TRAPPC9: variants seen among roughly 807,000 people sequenced by gnomAD.
TRAPPC9 encodes trafficking protein particle complex subunit 9.
In TRAPPC9, 83 loss-of-function variants were observed where a neutral mutation model predicts 124.0. The ratio of observed to expected loss-of-function variants is 0.67; its 90% CI spans 0.56 to 0.80. The LOEUF (loss-of-function observed/expected upper bound fraction) is 0.80. Among genes scored for constraint, TRAPPC9 ranks in the 30% least tolerant of loss-of-function variants. The probability of loss-of-function intolerance (pLI) is 0.00; values close to 1 mark genes in which losing one functional copy is unlikely to be tolerated. For synonymous variants in TRAPPC9, 638 were observed against 617.5 expected, an observed-to-expected ratio of 1.03 and a Z score of -0.49; for missense variants, 1,302 against 1,508.3, an observed-to-expected ratio of 0.86 and a Z score of 2.27.
chr8:140,240,282 A>G (rs1457760264), intron 16 of TRAPPC9, among the ~76,000 whole-genome samples: 1 of 152,068 alleles, frequency 6.6e-6, no homozygotes, highest in Admixed American at 6.6e-5. Context: ...AGAGATTCTA[A>G]TGGGAGCTCA....
At chr8:140,107,552 A>G (rs1426329657) in intron 17 of TRAPPC9, among the ~76,000 whole-genome samples, 1 of 152,238 alleles carries the variant, frequency 6.6e-6, no homozygotes, top group Admixed American at 6.5e-5. Context: ...GGCAAATGGT[A>G]CCGTGGGAGT....
intron 18 of TRAPPC9, among the ~76,000 whole-genome samples, chr8:139,994,517 G>A (rs117618917): frequency 1.4e-4 from 21 of 152,312 alleles, no homozygotes; most frequent in Non-Finnish European, 2.6e-4. Context: ...AGATGCTCAC[G>A]ACGGCTATGG....
At position 140,450,737 on chromosome 8, in the gene TRAPPC9, T is replaced by C. The variant is rs1280233271; in HGVS notation, c.584+53A>G. 5.6e-6 allele frequency: 8 copies of C among 1,421,180 alleles called. 1 individual carries two copies. The East Asian group carries it at 1.9e-4, about 34-fold the overall frequency. 88.0% of individuals were successfully genotyped at this position (1,421,180 alleles called of 1,614,324 possible). On this transcript the variant is annotated intron_variant, in intron 2 of 22. Coordinates refer to ENST00000438773, the MANE Select transcript of TRAPPC9 (RefSeq NM_001160372.4). Reference sequence around the variant, plus strand: ...CTGCAATGAAATTCTGCCCTGTGCTTTCCCTTTCTGATGCAGGGAAGCCAA... The same window carrying C: ...CTGCAATGAAATTCTGCCCTGTGCTCTCCCTTTCTGATGCAGGGAAGCCAA...
chr8:139,937,832 T>C (rs1410426616), intron 19 of TRAPPC9, among the ~76,000 whole-genome samples: 1 of 152,130 alleles, frequency 6.6e-6, no homozygotes. Context: ...TGGCCAGCGC[T>C]TGACAAAGCC....
intron 18 of TRAPPC9, among the ~76,000 whole-genome samples, chr8:139,989,263 C>T (rs1268329226): frequency 6.6e-6 from 1 of 152,208 alleles, no homozygotes; most frequent in Admixed American, 6.5e-5. Flanking sequence ...CTTCAGCTAC[C>T]AGGTTCCACG....
In TRAPPC9 at chr8:140,109,740, T is replaced by C. The variant is rs190097964; in HGVS notation, c.2557-85661A>G. 6.0e-3 allele frequency among the ~76,000 whole-genome samples: 909 copies of C among 152,200 alleles called. 11 individuals are homozygous for C. Among genetic ancestry groups the C allele is most frequent in the African/African-American group, 0.021 (874 of 41,520 alleles). ...GCAAGTTATTGAACCTCTCAAAAAA[T>C]TCCTTTCCTCATTTGCCAACCAATA... On this transcript the variant is annotated intron_variant, in intron 17 of 22. Transcript: ENST00000438773.
intron 15 of TRAPPC9, among the ~76,000 whole-genome samples, chr8:140,253,651 C>T (rs187247276): frequency 7.9e-5 from 12 of 152,016 alleles, no homozygotes; most frequent in Admixed American, 7.2e-4. Context: ...GCACTCCAGC[C>T]TGGGCAACAG....
intron 17 of TRAPPC9, among the ~76,000 whole-genome samples, chr8:140,122,386 T>C (rs941843437): frequency 2.0e-5 from 3 of 152,210 alleles, no homozygotes; most frequent in African/African-American, 7.2e-5. Flanking sequence ...CCATAGAAAC[T>C]GTGTGCTAAT....
intron 17 of TRAPPC9, among the ~76,000 whole-genome samples, chr8:140,211,356 C>T (rs1284598810): frequency 6.6e-6 from 1 of 152,162 alleles, no homozygotes; most frequent in African/African-American, 2.4e-5. Context: ...CCCAGGTGTT[C>T]GAGACCAGCC....
intron 21 of TRAPPC9, among the ~76,000 whole-genome samples, chr8:139,855,528 G>C (rs548513665): frequency 1.3e-5 from 2 of 152,226 alleles, no homozygotes; most frequent in Non-Finnish European, 1.5e-5. Flanking sequence ...AGCTGTGCAA[G>C]TGCTTACACG....
intron 1 of TRAPPC9, among the ~76,000 whole-genome samples, chr8:140,457,415 G>A (rs1374148664): frequency 6.6e-6 from 1 of 152,220 alleles, no homozygotes; most frequent in African/African-American, 2.4e-5. Context: ...CACGGCCTTG[G>A]ACAGATGTAA....
intron 10 of TRAPPC9, among the ~76,000 whole-genome samples, chr8:140,308,542 G>A (rs2066201751): frequency 1.3e-5 from 2 of 152,004 alleles, no homozygotes; most frequent in African/African-American, 2.4e-5. Flanking sequence ...AAATCATCAC[G>A]AATATGTTTA....
intron 19 of TRAPPC9, among the ~76,000 whole-genome samples, chr8:139,928,688 T>G (rs1832947924): frequency 6.6e-6 from 1 of 151,220 alleles, no homozygotes; most frequent in African/African-American, 2.4e-5. Flanking sequence ...TGACGCATTC[T>G]CCACGCCATC....
At chr8:140,247,031 T>C (rs944139087) in intron 16 of TRAPPC9, among the ~76,000 whole-genome samples, 3 of 152,118 alleles carry the variant, frequency 2.0e-5, no homozygotes, top group Admixed American at 1.3e-4. Context: ...GCTCCCCCCA[T>C]GTTTTAAATT....
At chr8:139,767,430 C>T (rs1285009145) in intron 21 of TRAPPC9, among the ~76,000 whole-genome samples, 2 of 152,158 alleles carry the variant, frequency 1.3e-5, no homozygotes, top group South Asian at 2.1e-4. Context: ...CCCATCCTCA[C>T]GAGGGCAGCA....
intron 16 of TRAPPC9, among the ~76,000 whole-genome samples, chr8:140,237,129 C>T (rs757255037): frequency 2.1e-4 from 32 of 151,932 alleles, no homozygotes; most frequent in Admixed American, 8.5e-4. Flanking sequence ...TGCAGTGAGC[C>T]GAGATCATGC....
chr8:140,217,710 G>C (rs2063229569), intron 17 of TRAPPC9, among the ~76,000 whole-genome samples: 1 of 152,196 alleles, frequency 6.6e-6, no homozygotes, highest in South Asian at 2.1e-4. Flanking sequence ...TAGTGAGCAA[G>C]CTAGTATATT....
intron 21 of TRAPPC9, among the ~76,000 whole-genome samples, chr8:139,781,790 T>C (rs925444172): frequency 1.3e-5 from 2 of 152,174 alleles, no homozygotes; most frequent in Non-Finnish European, 2.9e-5. Context: ...GATTTTGCTG[T>C]GAACCTAAAA....
intron 13 of TRAPPC9, 151 bp downstream of exon 13, chr8:140,287,456 GT>G (rs1232007834): frequency 1.3e-5 from 15 of 1,124,562 alleles, no homozygotes; most frequent in African/African-American, 1.5e-5. Flanking sequence ...CCACGAACAG[GT>G]TTTTTTCATG....
Sources: gnomAD v4.1 joint callset for allele counts (sites outside exome capture counted in the v4.1 genomes callset) on GRCh38, gnomAD v4.1.1 for gene constraint, MANE v1.5 for transcripts, NCBI Gene and HGNC (gene_info 2026-07-23, HGNC 2026-07-21) for gene names.